Variants in NAV1 observed in about 807,000 individuals in gnomAD.
The protein encoded by NAV1 is neuron navigator 1.
In NAV1, 18 loss-of-function variants were observed where a neutral mutation model predicts 175.2. The observed-to-expected ratio is 0.10, with a 90% CI of 0.07 to 0.15. NAV1 has a LOEUF of 0.15. Among genes scored for constraint, NAV1 ranks in the 10% least tolerant of loss-of-function variants. The probability of loss-of-function intolerance (pLI) is 1.00; values close to 1 mark genes in which losing one functional copy is unlikely to be tolerated. For missense variants in NAV1, 1,731 were observed against 2,436.6 expected (o/e 0.71, Z 6.10); for synonymous variants, 897 against 978.7 (o/e 0.92, Z 1.56).
At position 201,794,549 on chromosome 1, in the gene NAV1, C is replaced by T. The variant is rs766763230; in HGVS notation, c.3489C>T (p.Ala1163=). The T allele has an allele frequency of 3.7e-6, 6 of 1,613,898 alleles. No individual in the cohort carries two copies. In the East Asian group the frequency reaches 1.1e-4, roughly 30 times the overall value. The change falls in exon 15 of 30, where the codon GCC becomes GCT. Residue 1163 remains alanine (A), a synonymous_variant. Coordinates refer to ENST00000367296, the Ensembl canonical transcript of NAV1. ...AGGCCCAGGCAGTCATTCAGGGAGC[C>T]CTTAATGCCTCAGAAACCACACCCA...
chr1:201,552,394 G>A (rs968693427), intron 1 of NAV1, among the ~76,000 whole-genome samples: 1 of 152,146 alleles, frequency 6.6e-6, no homozygotes, highest in Non-Finnish European at 1.5e-5. Context: ...TGGGTAAAGG[G>A]AATGTCCTTT....
chr1:201,696,305 G>A (rs1327692389), intron 1 of NAV1, among the ~76,000 whole-genome samples: 1 of 152,220 alleles, frequency 6.6e-6, no homozygotes, highest in Non-Finnish European at 1.5e-5. Flanking sequence ...GGAAGAGGAG[G>A]ATTCTGAATG....
At chr1:201,702,676 CT>C (rs368766899) in intron 1 of NAV1, among the ~76,000 whole-genome samples, 18,891 of 125,586 alleles carry the variant, frequency 0.15, 3,824 homozygotes, top group Non-Finnish European at 0.19. Context: ...TGTGAATTCT[CT>C]CTCTCTCTCT....
intron 2 of NAV1, among the ~76,000 whole-genome samples, chr1:201,606,852 G>T (rs1416035692): frequency 6.6e-6 from 1 of 152,190 alleles, no homozygotes; most frequent in Non-Finnish European, 1.5e-5. Context: ...CAGATGTAAT[G>T]AGTCAAATAC....
At chr1:201,649,519 G>A (rs1213789552) in intron 1 of NAV1, 94 bp downstream of exon 5, 4 of 1,433,110 alleles carry the variant, frequency 2.8e-6, no homozygotes, top group East Asian at 2.5e-5. Context: ...CTCCCCTTGC[G>A]CCTTCCCGGA....
At position 201,779,443 on chromosome 1, in the gene NAV1, AAAAT is replaced by A. The variant is rs1293088529; in HGVS notation, c.1227-976_1227-973del. ...CCTGTCTCTACTTAAAAAAAAAAAAAAAATAGTAGCTGGGTGTCGTGGCGGGTGC... is the reference window on the plus strand; with the variant it reads ...CCTGTCTCTACTTAAAAAAAAAAAAAAGTAGCTGGGTGTCGTGGCGGGTGC... On this transcript the variant is annotated intron_variant, in intron 3 of 29. Coordinates refer to ENST00000367296, the Ensembl canonical transcript of NAV1. Among the ~76,000 whole-genome samples, 165 of 151,232 alleles carry A rather than the reference AAAAT, an allele frequency of 1.1e-3. 2 individuals carry two copies. Among genetic ancestry groups the A allele is most frequent in the African/African-American group, 3.8e-3 (155 of 41,182 alleles).
chr1:201,771,500 G>GAAAAA (rs55864064), intron 3 of NAV1, among the ~76,000 whole-genome samples: 1 of 86,836 alleles, frequency 1.2e-5, no homozygotes, highest in African/African-American at 4.3e-5. Context: ...ACTTCGTCTA[G>GAAAAA]AAAAAAAAAA....
chr1:201,759,690 C>T (rs1370553394), intron 3 of NAV1, among the ~76,000 whole-genome samples: 3 of 152,186 alleles, frequency 2.0e-5, no homozygotes, highest in East Asian at 3.8e-4. Flanking sequence ...ATTAAGTGAA[C>T]AGCATCTTTC....
chr1:201,764,923 C>T (rs1158566698), intron 3 of NAV1, among the ~76,000 whole-genome samples: 3 of 152,200 alleles, frequency 2.0e-5, no homozygotes, highest in African/African-American at 7.2e-5. Context: ...TTTATTCTGA[C>T]TGAGTGGGGT....
chr1:201,749,037 A>G (rs1673940844), intron 3 of NAV1, among the ~76,000 whole-genome samples: 1 of 152,040 alleles, frequency 6.6e-6, no homozygotes, highest in Non-Finnish European at 1.5e-5. Context: ...AATCCCAGCT[A>G]CTCGGGAGGC....
Position 201,782,732 on chromosome 1 carries a change from G to A in NAV1, c.2220G>A (p.Lys740=), listed in dbSNP as rs1676413619. The A allele has an allele frequency of 6.2e-7, 1 of 1,614,038 alleles. No homozygotes were observed. The highest frequency in any genetic ancestry group is 1.7e-5 in the Admixed American group (1 of 60,006). Residue 740 remains lysine (K), a synonymous_variant, in exon 6 of 30, where the codon AAG becomes AAA. Transcript: ENST00000367296. This position sits in a 1 kb window ranked among gnomAD's most constrained non-coding sequence, Gnocchi z 5.4. ...ATCAGACAGATCGGGAAAAGGAGAAGGCCAAAGCCAAGGCAGTGGCCTTGG... is the reference window on the plus strand; with the variant it reads ...ATCAGACAGATCGGGAAAAGGAGAAAGCCAAAGCCAAGGCAGTGGCCTTGG...
chr1:201,733,634 A>T (rs1298796587), intron 3 of NAV1: 2 of 152,182 alleles, frequency 1.3e-5, no homozygotes, highest in Admixed American at 1.3e-4. Flanking sequence ...GCAGAGAGTG[A>T]TGGGGTAGCG....
At chr1:201,590,514 C>G (rs1667156085) in intron 2 of NAV1, among the ~76,000 whole-genome samples, 1 of 152,190 alleles carries the variant, frequency 6.6e-6, no homozygotes. Context: ...AGAACATTTC[C>G]TCTCTCCAGA....
chr1:201,549,033 C>T (rs946265742), intron 1 of NAV1, among the ~76,000 whole-genome samples: 1 of 152,226 alleles, frequency 6.6e-6, no homozygotes, highest in African/African-American at 2.4e-5. Flanking sequence ...CCACCCAAAA[C>T]AGTAGTGAGG....
chr1:201,623,854 A>G (rs1668246951), intron 1 of NAV1, among the ~76,000 whole-genome samples: 1 of 152,220 alleles, frequency 6.6e-6, no homozygotes, highest in Non-Finnish European at 1.5e-5. Context: ...GGGAATCCAC[A>G]ACAAAAAGAG....
At chr1:201,729,533 T>C (rs550245116) in intron 3 of NAV1, among the ~76,000 whole-genome samples, 272 of 151,722 alleles carry the variant, frequency 1.8e-3, no homozygotes, top group African/African-American at 6.4e-3. Flanking sequence ...CCCAGCTACT[T>C]GGGAGGCTGA....
intron 1 of NAV1, among the ~76,000 whole-genome samples, chr1:201,558,887 T>A (rs77325501): frequency 0.013 from 1,985 of 152,218 alleles, 59 homozygotes; most frequent in African/African-American, 0.046. Context: ...ATAAGAGAAT[T>A]CCAGAGAATA....
intron 3 of NAV1, among the ~76,000 whole-genome samples, chr1:201,767,951 A>G (rs1226279770): frequency 1.3e-5 from 2 of 152,232 alleles, no homozygotes; most frequent in African/African-American, 2.4e-5. Flanking sequence ...GTTCAGATGT[A>G]CCAAACTAGT....
In NAV1 at chr1:201,808,034, G is replaced by C. The variant is rs1407057515; in HGVS notation, c.3730G>C (p.Ala1244Pro). The change falls in exon 18 of 30, where the codon GCT becomes CCT. Residue 1244 changes from alanine (A) to proline (P), a missense_variant. By Grantham distance (27) the Ala-to-Pro change is conservative (BLOSUM62 -1). This residue lies in a region of NAV1 where 146 missense variants were observed against 176.8 expected (regional missense o/e 0.83). Coordinates refer to ENST00000367296, the Ensembl canonical transcript of NAV1. This position sits in a 1 kb window ranked among gnomAD's most constrained non-coding sequence, Gnocchi z 5.5. Reference sequence around the variant, plus strand: ...CTCATACTCGGATATAGAGGAGATTGCTACACCCGACTCTTCAGCCCCCTC... The same window carrying C: ...CTCATACTCGGATATAGAGGAGATTCCTACACCCGACTCTTCAGCCCCCTC... The C allele has an allele frequency of 6.2e-7, 1 of 1,614,048 alleles. No homozygotes were observed. The highest frequency in any genetic ancestry group is 2.2e-5 in the East Asian group (1 of 44,882).
Sources: allele counts gnomAD v4.1 joint callset (sites outside exome capture counted in the v4.1 genomes callset), GRCh38; gene constraint gnomAD v4.1.1; regional missense constraint gnomAD v4.1.1; non-coding constraint Gnocchi (gnomAD v3.1); transcripts MANE v1.5; gene names NCBI Gene and HGNC (gene_info 2026-07-23, HGNC 2026-07-21).